Variants in DPP10 observed in about 807,000 individuals in gnomAD.
DPP10 encodes the protein dipeptidyl peptidase like 10.
DPP10 carries 33 observed loss-of-function variants against 120.9 expected under a neutral mutation model. That is an observed-to-expected ratio of 0.27 (90% CI 0.21 to 0.37). DPP10 has a LOEUF of 0.37. Among genes scored for constraint, DPP10 ranks in the 10% least tolerant of loss-of-function variants. The probability of loss-of-function intolerance (pLI) is 1.00; values close to 1 mark genes in which losing one functional copy is unlikely to be tolerated. For synonymous variants in DPP10, 337 were observed against 326.1 expected (o/e 1.03, Z -0.36); for missense variants, 816 against 942.8 (o/e 0.87, Z 1.76).
chr2:114,987,262 C>T (rs1230615913), intron 1 of DPP10, among the ~76,000 whole-genome samples: 1 of 152,174 alleles, frequency 6.6e-6, no homozygotes, highest in Non-Finnish European at 1.5e-5. Context: ...GCATCTTCAA[C>T]TTTGTTCAGT....
At chr2:115,200,598 A>C (rs1364660723) in intron 1 of DPP10, among the ~76,000 whole-genome samples, 1 of 152,212 alleles carries the variant, frequency 6.6e-6, no homozygotes, top group Non-Finnish European at 1.5e-5. Context: ...AGCACTTGAG[A>C]AGGTTACAGA....
chr2:115,093,669 G>C (rs1709470686), intron 1 of DPP10, among the ~76,000 whole-genome samples: 1 of 151,962 alleles, frequency 6.6e-6, no homozygotes, highest in East Asian at 1.9e-4. Context: ...AAAAGACAAG[G>C]CTGAAACAAT....
intron 5 of DPP10, among the ~76,000 whole-genome samples, chr2:115,538,879 A>T (rs1386051613): frequency 5.3e-5 from 8 of 152,076 alleles, no homozygotes; most frequent in Admixed American, 3.9e-4. Context: ...AGACTTAATA[A>T]AAAACAGAAA....
intron 1 of DPP10, among the ~76,000 whole-genome samples, chr2:114,684,012 T>C (rs1256898988): frequency 6.6e-6 from 1 of 152,016 alleles, no homozygotes; most frequent in African/African-American, 2.4e-5. Context: ...CTGTGACCAG[T>C]GATAATACAC....
intron 1 of DPP10, among the ~76,000 whole-genome samples, chr2:114,832,614 T>G (rs755187622): frequency 6.6e-6 from 1 of 152,228 alleles, no homozygotes; most frequent in Non-Finnish European, 1.5e-5. Flanking sequence ...TGTAAAATAT[T>G]CCATAAAATA....
At chr2:114,871,777 C>T (rs997446195) in intron 1 of DPP10, among the ~76,000 whole-genome samples, 4 of 152,168 alleles carry the variant, frequency 2.6e-5, no homozygotes, top group Non-Finnish European at 5.9e-5. Flanking sequence ...AACTGGGTCA[C>T]ACAGTAAGAG....
chr2:114,887,472 C>A (rs1054566318), intron 1 of DPP10, among the ~76,000 whole-genome samples: 1 of 152,174 alleles, frequency 6.6e-6, no homozygotes, highest in African/African-American at 2.4e-5. Flanking sequence ...ATTTACAACT[C>A]CTTAAAAGTG....
intron 1 of DPP10, among the ~76,000 whole-genome samples, chr2:114,744,218 C>T (rs1314052219): frequency 6.6e-6 from 1 of 152,072 alleles, no homozygotes; most frequent in East Asian, 1.9e-4. Context: ...GATTCTGAAC[C>T]TTATTTCTAT....
At chr2:115,254,437 G>A (rs553532991) in intron 1 of DPP10, among the ~76,000 whole-genome samples, 4 of 152,174 alleles carry the variant, frequency 2.6e-5, no homozygotes, top group Non-Finnish European at 4.4e-5. Flanking sequence ...ATTTGGGTGG[G>A]GATATAGCCA....
intron 3 of DPP10, among the ~76,000 whole-genome samples, chr2:115,493,178 G>A (rs1318748715): frequency 6.6e-6 from 1 of 152,014 alleles, no homozygotes; most frequent in Non-Finnish European, 1.5e-5. Context: ...TGATTGGGCT[G>A]TGTAATGGTA....
chr2:115,099,861 C>T (rs2048593508), intron 1 of DPP10, among the ~76,000 whole-genome samples: 1 of 152,162 alleles, frequency 6.6e-6, no homozygotes, highest in Non-Finnish European at 1.5e-5. Flanking sequence ...GCCAGTGGAT[C>T]CCATGGATAT....
At chr2:115,769,519 G>A (rs1299112340) in intron 13 of DPP10, among the ~76,000 whole-genome samples, 2 of 151,932 alleles carry the variant, frequency 1.3e-5, no homozygotes, top group African/African-American at 2.4e-5. Flanking sequence ...ACGACTGAAA[G>A]AAATAATTTG....
chr2:114,459,344 C>G (rs1678744685), intron 1 of DPP10, among the ~76,000 whole-genome samples: 1 of 152,120 alleles, frequency 6.6e-6, no homozygotes, highest in African/African-American at 2.4e-5. Flanking sequence ...TTGGTACTAC[C>G]TTCATCACTG....
chr2:115,451,037 A>G (rs976245980), intron 3 of DPP10, among the ~76,000 whole-genome samples: 4 of 151,934 alleles, frequency 2.6e-5, no homozygotes, highest in African/African-American at 9.7e-5. Flanking sequence ...GACACAAATT[A>G]CAAACCTTCT....
chr2:115,779,720 T>C (rs530097680), intron 15 of DPP10, among the ~76,000 whole-genome samples: 91 of 152,154 alleles, frequency 6.0e-4, no homozygotes, highest in African/African-American at 2.1e-3. Flanking sequence ...GAAACTGAAT[T>C]GTACACTTAG....
chr2:114,574,351 C>T (rs946960325), intron 1 of DPP10, among the ~76,000 whole-genome samples: 3 of 152,248 alleles, frequency 2.0e-5, no homozygotes, highest in South Asian at 2.1e-4. Context: ...TCAGCATCCC[C>T]GCCCTGCACA....
intron 3 of DPP10, among the ~76,000 whole-genome samples, chr2:115,374,772 C>T (rs985473958): frequency 2.0e-5 from 3 of 152,190 alleles, no homozygotes; most frequent in South Asian, 2.1e-4. Flanking sequence ...GGCTTGCACC[C>T]TCTGAACCAA....
chr2:115,049,611 A>G (rs1705316209), intron 1 of DPP10, among the ~76,000 whole-genome samples: 2 of 152,168 alleles, frequency 1.3e-5, no homozygotes, highest in African/African-American at 4.8e-5. Flanking sequence ...AATATCAGAA[A>G]ATAATATTGC....
chr2:114,913,323 G>A (rs1381135543), intron 1 of DPP10, among the ~76,000 whole-genome samples: 1 of 152,096 alleles, frequency 6.6e-6, no homozygotes, highest in Non-Finnish European at 1.5e-5. Flanking sequence ...CCCCCGCACT[G>A]AAGCACTTTT....
Sources: gnomAD v4.1 joint callset for allele counts (sites outside exome capture counted in the v4.1 genomes callset) on GRCh38, gnomAD v4.1.1 for gene constraint, MANE v1.5 for transcripts, NCBI Gene and HGNC (gene_info 2026-07-23, HGNC 2026-07-21) for gene names.